GOLIM4: variants seen among roughly 807,000 people sequenced by gnomAD.
The protein encoded by GOLIM4 is 130 kDa golgi-localized phosphoprotein.
In GOLIM4, 71 loss-of-function variants were observed where a neutral mutation model predicts 107.4. The observed-to-expected ratio is 0.66, with a 90% CI of 0.55 to 0.81. GOLIM4 has a LOEUF of 0.81. Among genes scored for constraint, GOLIM4 ranks in the 30% least tolerant of loss-of-function variants. The pLI is 0.00. For synonymous variants in GOLIM4, 327 were observed against 294.8 expected (o/e 1.11, Z -1.12); for missense variants, 830 against 826.1 (o/e 1.00, Z -0.06).
intron 1 of GOLIM4, among the ~76,000 whole-genome samples, chr3:168,072,160 C>T (rs1720866507): frequency 6.6e-6 from 1 of 152,014 alleles, no homozygotes; most frequent in Admixed American, 6.6e-5. Context: ...TTGGGCCAGC[C>T]CTACATTGCA....
intron 1 of GOLIM4, among the ~76,000 whole-genome samples, chr3:168,089,575 A>G (rs1336454957): frequency 2.6e-5 from 4 of 152,228 alleles, no homozygotes; most frequent in Non-Finnish European, 5.9e-5. Flanking sequence ...AGCTAGCAAA[A>G]TAAGATAGCA....
chr3:168,069,839 T>C (rs1720748109), intron 1 of GOLIM4, among the ~76,000 whole-genome samples: 1 of 152,222 alleles, frequency 6.6e-6, no homozygotes, highest in South Asian at 2.1e-4. Context: ...AGCGGATCAT[T>C]AGTGATTTAT....
chr3:168,019,590 T>G (rs1158203080), intron 14 of GOLIM4, among the ~76,000 whole-genome samples: 1 of 152,182 alleles, frequency 6.6e-6, no homozygotes, highest in Non-Finnish European at 1.5e-5. Context: ...GCTATGGATT[T>G]GCAGTACTGT....
At chr3:168,030,449 A>T (rs1718257413) in intron 9 of GOLIM4, among the ~76,000 whole-genome samples, 1 of 151,842 alleles carries the variant, frequency 6.6e-6, no homozygotes, top group Admixed American at 6.6e-5. Flanking sequence ...TGAACAGTTA[A>T]AGACCGAGGG....
chr3:168,063,701 C>T (rs1290597054), intron 1 of GOLIM4, among the ~76,000 whole-genome samples: 1 of 128,184 alleles, frequency 7.8e-6, no homozygotes, highest in Non-Finnish European at 1.5e-5. Flanking sequence ...TTTCTTCATC[C>T]TTTAAGAAAG....
chr3:168,076,639 C>G lies in GOLIM4; in HGVS notation c.187+18460G>C, dbSNP rs1444308801. ...CTGGGAGGCAGAGGTTGCAGTGAGC[C>G]AAGATTGCACCACTACACTCCAGCC... On this transcript the variant is annotated intron_variant, in intron 1 of 15. Coordinates refer to ENST00000470487, the MANE Select transcript of GOLIM4 (RefSeq NM_014498.5). Among the ~76,000 whole-genome samples, 3 of 152,244 alleles carry G rather than the reference C, an allele frequency of 2.0e-5. No individual in the cohort carries two copies. The East Asian group carries it at 5.8e-4, about 29-fold the overall frequency.
At chr3:168,065,911 T>C (rs1363804308) in intron 1 of GOLIM4, among the ~76,000 whole-genome samples, 1 of 152,246 alleles carries the variant, frequency 6.6e-6, no homozygotes, top group Non-Finnish European at 1.5e-5. Flanking sequence ...TAAAAGAGCT[T>C]ATCAACTGAT....
intron 2 of GOLIM4, 36 bp downstream of exon 2, chr3:168,048,255 G>A: frequency 1.8e-6 from 2 of 1,106,278 alleles, no homozygotes; most frequent in Non-Finnish European, 2.7e-6. Context: ...GAAGAGTACT[G>A]GAAAAACACA....
At chr3:168,012,401 A>G (rs978192423) in intron 14 of GOLIM4, among the ~76,000 whole-genome samples, 3 of 147,168 alleles carry the variant, frequency 2.0e-5, no homozygotes, top group African/African-American at 8.2e-5. Context: ...AAAAGACCAA[A>G]TCTACGTCTG....
At chr3:168,028,598 T>A (rs374431997) in intron 11 of GOLIM4, among the ~76,000 whole-genome samples, 13 of 152,194 alleles carry the variant, frequency 8.5e-5, no homozygotes, top group African/African-American at 2.9e-4. Flanking sequence ...CTAGTCTTAC[T>A]GATATGAGAA....
At chr3:168,084,360 C>T (rs1054353513) in intron 1 of GOLIM4, among the ~76,000 whole-genome samples, 4 of 152,136 alleles carry the variant, frequency 2.6e-5, no homozygotes, top group African/African-American at 7.2e-5. Flanking sequence ...AATGTGAGAA[C>T]AGACTAATAC....
At chr3:168,079,814 A>G (rs1390410247) in intron 1 of GOLIM4, among the ~76,000 whole-genome samples, 2 of 152,116 alleles carry the variant, frequency 1.3e-5, no homozygotes, top group Non-Finnish European at 2.9e-5. Flanking sequence ...TTAATTTTAC[A>G]CTATATTTTA....
rs1370973017 is a variant in GOLIM4, at chr3:168,032,763, C to G, written c.933G>C (p.Glu311Asp). 1 of 1,614,078 alleles carries G rather than the reference C, an allele frequency of 6.2e-7. No individual in the cohort carries two copies. Among genetic ancestry groups the G allele is most frequent in the East Asian group, 2.2e-5 (1 of 44,884 alleles). The change falls in exon 9 of 16, where the codon GAG becomes GAC. Residue 311 changes from glutamate to aspartate, a missense_variant. Physicochemically the swap from Glu to Asp is conservative, Grantham distance 45. Coordinates refer to ENST00000470487, the MANE Select transcript of GOLIM4 (RefSeq NM_014498.5). The stretch of plus-strand genomic sequence containing the variant: ...GCTCTGGGGGAGCCTGAAATTCTGC[C>G]TCCTTATGGGTGGGAGCATAGAGTT... ...DTKLYAPTHK[E>D]AEFQAPPEPI...
chr3:168,072,666 G>A (rs1313612347), intron 1 of GOLIM4, among the ~76,000 whole-genome samples: 1 of 152,082 alleles, frequency 6.6e-6, no homozygotes, highest in Non-Finnish European at 1.5e-5. Context: ...GGGGGTGGGT[G>A]TCTTTTATAT....
chr3:168,028,174 A>G (rs1367601425), intron 11 of GOLIM4, among the ~76,000 whole-genome samples: 1 of 152,230 alleles, frequency 6.6e-6, no homozygotes, highest in African/African-American at 2.4e-5. Context: ...GAAGAAATCA[A>G]CTAATGTTTG....
chr3:168,025,505 T>G (rs1165378786), intron 12 of GOLIM4, among the ~76,000 whole-genome samples: 1 of 152,218 alleles, frequency 6.6e-6, no homozygotes, highest in Non-Finnish European at 1.5e-5. Flanking sequence ...ATTTTTATAG[T>G]AACTTCCCTG....
chr3:168,010,507 C>G (rs896731180), intron 15 of GOLIM4, 89 bp from the exon 16 acceptor site: 2 of 964,744 alleles, frequency 2.1e-6, no homozygotes, highest in Non-Finnish European at 3.1e-6. Flanking sequence ...AAAAATTACT[C>G]ATTTTTGGAG....
At chr3:168,012,995 A>C (rs911278731) in intron 14 of GOLIM4, among the ~76,000 whole-genome samples, 24 of 149,156 alleles carry the variant, frequency 1.6e-4, no homozygotes, top group Admixed American at 7.3e-4. Flanking sequence ...CGAGCAAAAT[A>C]ACCAGCTAAC....
intron 1 of GOLIM4, among the ~76,000 whole-genome samples, chr3:168,066,919 ATCACT>A (rs911376953): frequency 1.4e-4 from 21 of 152,252 alleles, no homozygotes; most frequent in African/African-American, 5.1e-4. Flanking sequence ...AGAAAAATAA[ATCACT>A]TAACATGGTA....
Sources: gnomAD v4.1 joint callset for allele counts (sites outside exome capture counted in the v4.1 genomes callset) on GRCh38, gnomAD v4.1.1 for gene constraint, MANE v1.5 for transcripts, NCBI Gene and HGNC (gene_info 2026-07-23, HGNC 2026-07-21) for gene names.